SCHIP1: variants seen among roughly 807,000 people sequenced by gnomAD.
The protein encoded by SCHIP1 is schwannomin interacting protein 1.
Under a neutral mutation model 29.7 loss-of-function variants are expected in SCHIP1, and 8 were observed. That is an observed-to-expected ratio of 0.27 (90% CI 0.16 to 0.49). The LOEUF is 0.49. SCHIP1 is among the 20% of genes least tolerant of loss of function. SCHIP1 has a pLI of 0.99. For missense variants in SCHIP1, 193 were observed against 294.6 expected, an observed-to-expected ratio of 0.66 and a Z score of 2.52; for synonymous variants, 76 against 94.9, an observed-to-expected ratio of 0.80 and a Z score of 1.16.
chr3:159,521,133 T>C, the SCHIP1 span, among the ~76,000 whole-genome samples: 3 of 152,226 alleles, frequency 2.0e-5, no homozygotes, highest in Admixed American at 6.5e-5. Context: ...CCCACCTTCT[T>C]AGTTATTTTC....
the SCHIP1 span, among the ~76,000 whole-genome samples, chr3:159,662,309 C>T: frequency 6.6e-6 from 1 of 152,232 alleles, no homozygotes; most frequent in African/African-American, 2.4e-5. Context: ...CTTGCTATTG[C>T]TCCATCTGCA....
At chr3:159,405,880 CAA>C in the SCHIP1 span, among the ~76,000 whole-genome samples, 1,765 of 75,170 alleles carry the variant, frequency 0.023, 33 homozygotes, top group African/African-American at 0.062. Context: ...GAGACTCTGT[CAA>C]AAAAAAAAAA....
the SCHIP1 span, among the ~76,000 whole-genome samples, chr3:159,660,667 G>C: frequency 0.086 from 13,045 of 152,176 alleles, 1,656 homozygotes; most frequent in African/African-American, 0.28. Flanking sequence ...AATTAATAAA[G>C]AATGAGGATT....
the SCHIP1 span, among the ~76,000 whole-genome samples, chr3:159,610,392 TG>T: frequency 1.0e-3 from 152 of 152,342 alleles, no homozygotes; most frequent in Non-Finnish European, 1.9e-3. Flanking sequence ...CGAGATTTTG[TG>T]GGGGGTGATG....
chr3:159,507,107 T>A, the SCHIP1 span, among the ~76,000 whole-genome samples: 2 of 152,242 alleles, frequency 1.3e-5, no homozygotes, highest in Non-Finnish European at 2.9e-5. Flanking sequence ...GAGCATGGAA[T>A]GTTCTTCCAT....
chr3:159,494,620 C>A, the SCHIP1 span, among the ~76,000 whole-genome samples: 1 of 152,156 alleles, frequency 6.6e-6, no homozygotes, highest in Non-Finnish European at 1.5e-5. Context: ...TAATAGCTTA[C>A]TGACCAAAAA....
chr3:159,731,494 G>T, the SCHIP1 span, among the ~76,000 whole-genome samples: 1 of 152,210 alleles, frequency 6.6e-6, no homozygotes, highest in East Asian at 1.9e-4. Flanking sequence ...AGGACTGTGC[G>T]TGTTTATCTG....
chr3:159,338,049 T>G, the SCHIP1 span, among the ~76,000 whole-genome samples: 1 of 152,326 alleles, frequency 6.6e-6, no homozygotes, highest in South Asian at 2.1e-4. Flanking sequence ...CTAGAAATCT[T>G]GCATTCAACA....
chr3:159,810,651 C>A, the SCHIP1 span, among the ~76,000 whole-genome samples: 1 of 152,176 alleles, frequency 6.6e-6, no homozygotes. Flanking sequence ...GTAGTTCCTT[C>A]TTGTTGCTGA....
At chr3:159,764,338 C>A in the SCHIP1 span, 1 of 1,386,220 alleles carries the variant, frequency 7.2e-7, no homozygotes, top group Non-Finnish European at 9.6e-7. The surrounding 1 kb of genome is among the most constrained non-coding windows in gnomAD (Gnocchi z 6.1). Context: ...ACCTCTGACC[C>A]AGCGGGCGCA....
chr3:159,543,117 GTATATATA>G, the SCHIP1 span, among the ~76,000 whole-genome samples: 5 of 148,094 alleles, frequency 3.4e-5, no homozygotes, highest in South Asian at 8.5e-4. Context: ...ATACATGTGT[GTATATATA>G]TATATATATA....
chr3:159,839,394 A>G (rs374010957), upstream of SCHIP1, among the ~76,000 whole-genome samples: 65 of 152,216 alleles, frequency 4.3e-4, 1 homozygote, highest in South Asian at 0.013. Flanking sequence ...TATAACAGCA[A>G]TTATTCTATC....
chr3:159,535,275 T>C, the SCHIP1 span, among the ~76,000 whole-genome samples: 1 of 152,196 alleles, frequency 6.6e-6, no homozygotes, highest in Non-Finnish European at 1.5e-5. Context: ...TCTCATTTTC[T>C]CCACTCATTC....
intron 1 of SCHIP1, among the ~76,000 whole-genome samples, chr3:159,859,930 A>C (rs558793916): frequency 6.6e-6 from 1 of 152,134 alleles, no homozygotes; most frequent in Non-Finnish European, 1.5e-5. Context: ...CCTCTTGCAC[A>C]GTCAATCAAG....
At chr3:159,437,200 C>G in the SCHIP1 span, among the ~76,000 whole-genome samples, 1 of 152,088 alleles carries the variant, frequency 6.6e-6, no homozygotes, top group Non-Finnish European at 1.5e-5. Flanking sequence ...GTGATACCTG[C>G]TAGCTGCCAG....
chr3:159,405,174 G>A, the SCHIP1 span, among the ~76,000 whole-genome samples: 3 of 152,050 alleles, frequency 2.0e-5, no homozygotes, highest in Admixed American at 2.0e-4. Context: ...AGAAAAACAG[G>A]TACAAACAAG....
At chr3:159,610,396 G>GGGT in the SCHIP1 span, among the ~76,000 whole-genome samples, 8 of 152,280 alleles carry the variant, frequency 5.3e-5, no homozygotes, top group South Asian at 1.7e-3. Context: ...ATTTTGTGGG[G>GGGT]GGTGATGTTC....
chr3:159,476,087 GA>G, the SCHIP1 span, among the ~76,000 whole-genome samples: 1 of 151,544 alleles, frequency 6.6e-6, no homozygotes, highest in African/African-American at 2.4e-5. Context: ...TGGAAAAACT[GA>G]AAAGAATCTT....
the SCHIP1 span, among the ~76,000 whole-genome samples, chr3:159,831,598 C>T: frequency 2.0e-5 from 3 of 151,970 alleles, no homozygotes; most frequent in Admixed American, 6.6e-5. Context: ...ATTTTGAGGT[C>T]GTTATTAAGT....
Sources: allele counts gnomAD v4.1 joint callset (sites outside exome capture counted in the v4.1 genomes callset), GRCh38; gene constraint gnomAD v4.1.1; non-coding constraint Gnocchi (gnomAD v3.1); transcripts MANE v1.5; gene names NCBI Gene and HGNC (gene_info 2026-07-23, HGNC 2026-07-21).